HEXD: variants seen among roughly 807,000 people sequenced by gnomAD.
HEXD encodes hexosaminidase D.
A neutral mutation model predicts 54.2 loss-of-function variants in HEXD; 47 were observed. The ratio of observed to expected loss-of-function variants is 0.87; its 90% CI spans 0.69 to 1.11. HEXD has a LOEUF of 1.11. HEXD is among the 50% of genes least tolerant of loss of function. HEXD has a pLI of 0.00. For missense variants in HEXD, 576 were observed against 649.2 expected (o/e 0.89, Z 1.23); for synonymous variants, 293 against 287.6 (o/e 1.02, Z -0.19).
chr17:82,438,086 A>T (rs530239963), intron 8 of HEXD, among the ~76,000 whole-genome samples: 6 of 151,996 alleles, frequency 3.9e-5, no homozygotes, highest in Non-Finnish European at 7.4e-5. Context: ...AAGACACAAA[A>T]ATTAGCCTGG....
intron 3 of HEXD, chr17:82,428,272 A>G: frequency 7.3e-6 from 2 of 273,464 alleles, no homozygotes; most frequent in South Asian, 4.8e-5. Context: ...GGCGTGAGCC[A>G]CTGTGCCTGG....
Position 82,419,576 on chromosome 17 carries a change from T to C in HEXD, c.-51-173T>C, listed in dbSNP as rs117071519. 8.5e-3 allele frequency among the ~76,000 whole-genome samples: 1,296 copies of C among 152,362 alleles called. 11 individuals are homozygous for C. The highest frequency in any genetic ancestry group is 0.015 in the Non-Finnish European group (1,002 of 68,040). On this transcript the variant is annotated intron_variant, in intron 1 of 12. Coordinates refer to ENST00000327949, the MANE Select transcript of HEXD (RefSeq NM_001330542.2). ...ACAAATCACACATAGCAGAGGTCTCTATATCTTAACATGGAGGTAGACTTC... is the reference window on the plus strand; with the variant it reads ...ACAAATCACACATAGCAGAGGTCTCCATATCTTAACATGGAGGTAGACTTC...
chr17:82,433,713 G>A lies in HEXD; in HGVS notation c.338G>A (p.Cys113Tyr). Residue 113 changes from cysteine to tyrosine, a missense_variant, in exon 5 of 13, where the codon TGC (cysteine) becomes TAC (tyrosine). Transcript: ENST00000327949. ...CTGCGGGAGGTGGGCTCCTTCCCCT[G>A]CACCCTGAACCCCCACGAGGCAGAG... is the stretch of plus-strand genomic sequence containing the variant. ...AHLREVGSFPCTLNPHEAESL... is the reference protein window; with the variant it reads ...AHLREVGSFPYTLNPHEAESL... The A allele has an allele frequency of 6.2e-7, 1 of 1,612,888 alleles. No individual in the cohort carries two copies. The highest frequency in any genetic ancestry group is 8.5e-7 in the Non-Finnish European group (1 of 1,179,710).
chr17:82,431,669 G>A (rs1599736488), intron 4 of HEXD, among the ~76,000 whole-genome samples: 1 of 151,628 alleles, frequency 6.6e-6, no homozygotes, highest in African/African-American at 2.4e-5. Flanking sequence ...TGCCCGCTTC[G>A]GCCTCCCAAA....
chr17:82,422,814 T>C (rs1454171129), intron 2 of HEXD, among the ~76,000 whole-genome samples: 2 of 152,096 alleles, frequency 1.3e-5, no homozygotes, highest in Non-Finnish European at 2.9e-5. Flanking sequence ...CCCAGCACTT[T>C]GGGAGGCTGA....
intron 8 of HEXD, among the ~76,000 whole-genome samples, chr17:82,438,153 A>G (rs1325931269): frequency 6.6e-6 from 1 of 151,908 alleles, no homozygotes; most frequent in Non-Finnish European, 1.5e-5. Flanking sequence ...AAGGAGAATC[A>G]CTTGAACCCA....
intron 10 of HEXD, 23 bp from the exon 11 acceptor site, chr17:82,441,142 G>A: frequency 6.2e-7 from 1 of 1,613,374 alleles, no homozygotes; most frequent in Non-Finnish European, 8.5e-7. Flanking sequence ...GGAGACAGCT[G>A]TTCTCAGCAG....
chr17:82,427,602 A>ACTCTTCTAGTTTTCTTC (rs1599729723), intron 3 of HEXD, among the ~76,000 whole-genome samples: 1 of 151,946 alleles, frequency 6.6e-6, no homozygotes, highest in East Asian at 1.9e-4. Flanking sequence ...TTTTCTTCAT[A>ACTCTTCTAGTTTTCTTC]CTCTTCTAGT....
In HEXD at chr17:82,436,735, A is replaced by C; in HGVS notation, c.700A>C (p.Lys234Gln). The C allele has an allele frequency of 6.2e-7, 1 of 1,611,906 alleles. No individual in the cohort carries two copies. Among genetic ancestry groups the C allele is most frequent in the Non-Finnish European group, 8.5e-7 (1 of 1,179,268 alleles). Reference protein sequence around the residue: ...DYTADLDVHGKVLLMQKYRRC... With the variant: ...DYTADLDVHGQVLLMQKYRRC... ...CACGGCCGACCTGGATGTGCACGGC[A>C]AGGGTCAGTGCCAAGTTGTGGGGGG... The change falls in exon 7 of 13, where the codon AAG becomes CAG. Residue 234 changes from lysine (K) to glutamine (Q), a missense_variant. Lys to Gln is a moderately conservative substitution (Grantham distance 53, BLOSUM62 1). Transcript: ENST00000327949.
intron 4 of HEXD, among the ~76,000 whole-genome samples, chr17:82,430,099 C>G (rs1178505426): frequency 1.3e-5 from 2 of 152,154 alleles, no homozygotes; most frequent in African/African-American, 2.4e-5. Flanking sequence ...GTCTAAACCA[C>G]TATGGACTCA....
At chr17:82,433,268 G>C (rs192358519) in intron 4 of HEXD, among the ~76,000 whole-genome samples, 1 of 148,868 alleles carries the variant, frequency 6.7e-6, no homozygotes. Flanking sequence ...ATAGTGAAAC[G>C]CCATCTCTAC....
intron 2 of HEXD, among the ~76,000 whole-genome samples, chr17:82,422,403 A>G (rs1434541883): frequency 1.3e-5 from 2 of 151,724 alleles, no homozygotes; most frequent in Non-Finnish European, 2.9e-5. Flanking sequence ...AGGCTGAGGC[A>G]TGAGAATCAC....
chr17:82,421,950 G>A (rs756317181), intron 2 of HEXD, among the ~76,000 whole-genome samples: 14 of 152,108 alleles, frequency 9.2e-5, no homozygotes, highest in Non-Finnish European at 1.9e-4. Flanking sequence ...GCCGAGGAAG[G>A]TGGATCACAA....
At chr17:82,422,171 A>G (rs549319033) in intron 2 of HEXD, among the ~76,000 whole-genome samples, 1 of 151,350 alleles carries the variant, frequency 6.6e-6, no homozygotes, top group Admixed American at 6.6e-5. Flanking sequence ...TGTCTCAAAA[A>G]AAAAAAAAAA....
At chr17:82,439,055 C>T (rs999515350) in intron 8 of HEXD, among the ~76,000 whole-genome samples, 1 of 152,258 alleles carries the variant, frequency 6.6e-6, no homozygotes, top group African/African-American at 2.4e-5. Context: ...CAGGTGGAGG[C>T]ACCCTACCCA....
At chr17:82,439,492 G>C (rs2053865036) in intron 8 of HEXD, 139 bp from the exon 9 acceptor site, 1 of 1,444,940 alleles carries the variant, frequency 6.9e-7, no homozygotes, top group Non-Finnish European at 9.0e-7. Context: ...GGGCCCCATG[G>C]GTTGAGGGGG....
chr17:82,424,185 C>T (rs1349302194), intron 2 of HEXD, among the ~76,000 whole-genome samples: 1 of 152,220 alleles, frequency 6.6e-6, no homozygotes, highest in Non-Finnish European at 1.5e-5. Context: ...AGCATATCTC[C>T]CCTTCTGTGC....
rs1037311705 is a variant in HEXD, at chr17:82,434,952, C to T, written c.448-737C>T. Among the ~76,000 whole-genome samples, 2 of 150,178 alleles carry T rather than the reference C, an allele frequency of 1.3e-5. No homozygotes were observed. The highest frequency in any genetic ancestry group is 3.0e-5 in the Non-Finnish European group (2 of 67,660). On this transcript the variant is annotated intron_variant, in intron 5 of 12. Transcript: ENST00000327949. The surrounding 1 kb of genome is among the most constrained non-coding windows in gnomAD (Gnocchi z 4.5). ...CCTGAGATCAGGAGTTCAAGATCAG[C>T]CTGGCCAACATGGTGAAACCCCGTC... is the stretch of plus-strand genomic sequence containing the variant.
intron 4 of HEXD, among the ~76,000 whole-genome samples, chr17:82,433,129 T>TATA (rs1555617733): frequency 8.4e-3 from 71 of 8,412 alleles, no homozygotes; most frequent in Non-Finnish European, 9.5e-3. Flanking sequence ...TATATATATA[T>TATA]TTTTTTTTTT....
Sources: gnomAD v4.1 joint callset for allele counts (sites outside exome capture counted in the v4.1 genomes callset) on GRCh38, gnomAD v4.1.1 for gene constraint, Gnocchi (gnomAD v3.1) non-coding constraint, MANE v1.5 for transcripts, NCBI Gene and HGNC (gene_info 2026-07-23, HGNC 2026-07-21) for gene names.